BCLAF3: variants seen among roughly 807,000 people sequenced by gnomAD.
BCLAF3 encodes transient octamer binding factor 1.
Under a neutral mutation model 51.2 loss-of-function variants are expected in BCLAF3, and 24 were observed. The observed-to-expected ratio is 0.47, with a 90% CI of 0.34 to 0.66. The LOEUF (loss-of-function observed/expected upper bound fraction) is 0.66. BCLAF3 is among the 30% of genes least tolerant of loss of function. The pLI, the probability that BCLAF3 is intolerant of heterozygous loss-of-function variation, is 0.01. For synonymous variants in BCLAF3, 152 were observed against 176.6 expected (o/e 0.86, Z 1.10); for missense variants, 465 against 525.1 (o/e 0.89, Z 1.12).
chrX:19,945,912 T>C (rs1219225853), intron 8 of BCLAF3, among the ~76,000 whole-genome samples: 1 of 107,796 alleles, frequency 9.3e-6, no homozygotes, highest in Non-Finnish European at 1.9e-5. Flanking sequence ...ACTGCTGTGC[T>C]AGCAATCAGC....
At chrX:19,976,514 C>T (rs2072429241) in intron 1 of BCLAF3, among the ~76,000 whole-genome samples, 1 of 111,295 alleles carries the variant, frequency 9.0e-6, no homozygotes, top group African/African-American at 3.3e-5. Flanking sequence ...CCTCAGCCTC[C>T]CAAGTAGCTG....
At chrX:19,922,744 TA>T (rs1259882709) in intron 11 of BCLAF3, among the ~76,000 whole-genome samples, 1 of 110,604 alleles carries the variant, frequency 9.0e-6, no homozygotes, top group Non-Finnish European at 1.9e-5. Flanking sequence ...CCAAAAAATA[TA>T]AAAACTTAGC....
rs780275831 is a variant in BCLAF3, at chrX:19,929,819, T to C, written c.2072A>G (p.His691Arg). The change falls in exon 11 of 12, where the codon CAT becomes CGT. Residue 691 changes from histidine (H) to arginine (R), a missense_variant. Physicochemically the swap from His to Arg is conservative, Grantham distance 29. Transcript: ENST00000379682. ...TCTCATTAATCTTTCTCTGAACTTA[T>C]GAGTGATAAATCCCCTTGGGCCAGT... ...RFTGPRGFITHKFRERLMRKK... is the reference protein window; with the variant it reads ...RFTGPRGFITRKFRERLMRKK... The C allele has an allele frequency of 8.3e-7, 1 of 1,208,211 alleles. No homozygotes were observed. The highest frequency in any genetic ancestry group is 2.2e-5 in the Admixed American group (1 of 45,380).
chrX:19,981,915 T>C (rs2072624442), intron 1 of BCLAF3, among the ~76,000 whole-genome samples: 1 of 81,128 alleles, frequency 1.2e-5, no homozygotes, highest in African/African-American at 1.2e-4. Flanking sequence ...AGAGTTTCTT[T>C]TTGGGGGTGA....
intron 10 of BCLAF3, chrX:19,930,170 G>A (rs897195782): frequency 4.2e-6 from 1 of 240,778 alleles, no homozygotes; most frequent in Admixed American, 6.7e-5. Flanking sequence ...AATTAGCCAG[G>A]CGTGGTGGCA....
chrX:19,933,812 C>A (rs898085724), intron 10 of BCLAF3, among the ~76,000 whole-genome samples: 2 of 111,194 alleles, frequency 1.8e-5, no homozygotes, highest in Non-Finnish European at 3.8e-5. Context: ...ACTGTGTCGC[C>A]CAGGCTTGAG....
chrX:19,953,980 T>C, intron 5 of BCLAF3, 88 bp from the exon 6 acceptor site: 1 of 1,077,361 alleles, frequency 9.3e-7, no homozygotes, highest in South Asian at 2.7e-5. Flanking sequence ...AGGGATTATT[T>C]TTTAAAATTC....
chrX:19,917,266 A>T lies in BCLAF3; in HGVS notation c.*39T>A. The T allele has an allele frequency of 8.5e-7, 1 of 1,169,642 alleles. No homozygotes were observed. The highest frequency in any genetic ancestry group is 1.8e-5 in the South Asian group (1 of 54,808). On this transcript the variant is annotated 3_prime_UTR_variant, in exon 12 of 12. Coordinates refer to ENST00000379682, the MANE Select transcript of BCLAF3 (RefSeq NM_001367774.2). ...CAAAAAGAGAGAGATGCTCCCAAACATCCTCCTGTAGCGTCATTTCCATTT... is the reference window on the plus strand; with the variant it reads ...CAAAAAGAGAGAGATGCTCCCAAACTTCCTCCTGTAGCGTCATTTCCATTT...
intron 11 of BCLAF3, among the ~76,000 whole-genome samples, chrX:19,926,432 A>AG (rs1472755105): frequency 9.0e-6 from 1 of 111,547 alleles, no homozygotes; most frequent in Non-Finnish European, 1.9e-5. Context: ...TTTGCTGTGA[A>AG]GCGGGGCTGG....
chrX:19,940,274 TTA>T (rs1312241892), intron 8 of BCLAF3, among the ~76,000 whole-genome samples: 138 of 80,261 alleles, frequency 1.7e-3, no homozygotes, highest in African/African-American at 9.0e-3. Flanking sequence ...ATTTATTTAT[TTA>T]TTTTTTTTTT....
At chrX:19,935,538 C>T in intron 10 of BCLAF3, 1 of 278,540 alleles carries the variant, frequency 3.6e-6, no homozygotes, top group Middle Eastern at 1.1e-3. Context: ...CCTAGAGTCA[C>T]TCCACCTGCA....
chrX:19,951,424 C>CA (rs2071470577), intron 7 of BCLAF3, among the ~76,000 whole-genome samples: 2 of 105,676 alleles, frequency 1.9e-5, no homozygotes, highest in Admixed American at 2.0e-4. Flanking sequence ...AGTAAAACCC[C>CA]ATCTCCACCA....
intron 1 of BCLAF3, among the ~76,000 whole-genome samples, chrX:19,988,705 T>C (rs1417399880): frequency 8.9e-6 from 1 of 112,338 alleles, no homozygotes; most frequent in Non-Finnish European, 1.9e-5. Context: ...ACCCTTAAAA[T>C]AATCCTTAAG....
intron 1 of BCLAF3, among the ~76,000 whole-genome samples, chrX:19,972,621 C>G (rs568016183): frequency 9.0e-6 from 1 of 111,659 alleles, no homozygotes; most frequent in East Asian, 2.8e-4. Context: ...TTCATCCTCC[C>G]AAAAGAGACC....
At chrX:19,956,939 T>C (rs1050754945) in intron 4 of BCLAF3, among the ~76,000 whole-genome samples, 1 of 112,066 alleles carries the variant, frequency 8.9e-6, no homozygotes, top group South Asian at 3.7e-4. Context: ...ATTTAAGTCA[T>C]GTAACAGCCA....
At chrX:19,937,311 C>T in intron 9 of BCLAF3, 107 bp downstream of exon 9, 1 of 518,502 alleles carries the variant, frequency 1.9e-6, no homozygotes. Flanking sequence ...ATAACATATA[C>T]TTAATGAACA....
intron 1 of BCLAF3, among the ~76,000 whole-genome samples, chrX:19,985,918 G>A (rs957486852): frequency 1.8e-5 from 2 of 111,247 alleles, no homozygotes; most frequent in African/African-American, 3.3e-5. Flanking sequence ...CTGACTGCAC[G>A]TCAGTCTGAG....
At chrX:19,930,036 C>A in intron 10 of BCLAF3, 96 bp from the exon 11 acceptor site, 1 of 865,810 alleles carries the variant, frequency 1.2e-6, no homozygotes, top group South Asian at 2.6e-5. Context: ...TGCAGTAGCT[C>A]ACGCCTGTAA....
Position 19,966,509 on chromosome X carries a change from G to A in BCLAF3, c.182C>T (p.Pro61Leu). The part of the protein sequence containing the change: ...MDSEKHGQSK[P>L]RIPSRGNIYY... The stretch of plus-strand genomic sequence containing the variant: ...TATATTTCCACGAGAGGGAATCCTT[G>A]GTTTACTCTGTCCATGTTTCTCACT... The change falls in exon 3 of 12, where the codon CCA (proline) becomes CTA (leucine). Residue 61 changes from proline (P) to leucine (L), a missense_variant. Coordinates refer to ENST00000379682, the MANE Select transcript of BCLAF3 (RefSeq NM_001367774.2). 1 of 1,211,290 alleles carries A rather than the reference G, an allele frequency of 8.3e-7. No homozygotes were observed. Among genetic ancestry groups the A allele is most frequent in the African/African-American group, 1.7e-5 (1 of 57,629 alleles).
Sources: allele counts gnomAD v4.1 joint callset (sites outside exome capture counted in the v4.1 genomes callset), GRCh38; gene constraint gnomAD v4.1.1; transcripts MANE v1.5; gene names NCBI Gene and HGNC (gene_info 2026-07-23, HGNC 2026-07-21).